CLUL1: variants seen among roughly 807,000 people sequenced by gnomAD.
The protein encoded by CLUL1 is clusterin-like protein 1.
Under a neutral mutation model 49.4 loss-of-function variants are expected in CLUL1, and 43 were observed. The observed-to-expected ratio is 0.87, with a 90% CI of 0.68 to 1.12. The LOEUF (loss-of-function observed/expected upper bound fraction) is 1.12. CLUL1 is among the 50% of genes most tolerant of loss of function. The probability of loss-of-function intolerance (pLI) is 0.00; values close to 1 mark genes in which losing one functional copy is unlikely to be tolerated. For synonymous variants in CLUL1, 192 were observed against 184.9 expected (o/e 1.04, Z -0.31); for missense variants, 486 against 544.4 (o/e 0.89, Z 1.07).
At chr18:646,771 A>C (rs2074520957) in intron 9 of CLUL1, among the ~76,000 whole-genome samples, 1 of 139,414 alleles carries the variant, frequency 7.2e-6, no homozygotes, top group Non-Finnish European at 1.5e-5. Context: ...TTTTTTTGAG[A>C]CAGAGTCTTG....
chr18:611,888 C>G (rs1373482445), intron 2 of CLUL1, among the ~76,000 whole-genome samples: 1 of 152,022 alleles, frequency 6.6e-6, no homozygotes, highest in Non-Finnish European at 1.5e-5. Flanking sequence ...GAGCAAAGGC[C>G]TGTGCCAGCC....
chr18:615,847 T>C (rs961717925), intron 2 of CLUL1, among the ~76,000 whole-genome samples: 1 of 152,224 alleles, frequency 6.6e-6, no homozygotes, highest in Non-Finnish European at 1.5e-5. Context: ...TGGCTGGGCC[T>C]TGAATGTGTG....
intron 8 of CLUL1, among the ~76,000 whole-genome samples, chr18:643,674 A>G (rs1343007746): frequency 6.6e-6 from 1 of 152,206 alleles, no homozygotes; most frequent in Non-Finnish European, 1.5e-5. Flanking sequence ...AAAAACCTCC[A>G]CATAAAATAA....
Position 611,450 on chromosome 18 carries a change from G to A in CLUL1, c.-14+4351G>A, listed in dbSNP as rs576489044. ...ATGGTGGCTCCAGCGTGTCATCCCA[G>A]CTACTCAGGAGGCTGAGGCGGGAGG... On this transcript the variant is annotated intron_variant, in intron 2 of 9. Coordinates refer to ENST00000692774, the MANE Select transcript of CLUL1 (RefSeq NM_001393344.1). Among the ~76,000 whole-genome samples the A allele has an allele frequency of 5.6e-4, 85 of 152,106 alleles. 1 individual carries two copies. The highest frequency in any genetic ancestry group is 4.2e-4 in the South Asian group (2 of 4,818).
chr18:630,272 C>A (rs2073954317), intron 6 of CLUL1, among the ~76,000 whole-genome samples: 1 of 152,024 alleles, frequency 6.6e-6, no homozygotes, highest in African/African-American at 2.4e-5. Context: ...CCATACCTGG[C>A]TAATTTTTGT....
intron 9 of CLUL1, among the ~76,000 whole-genome samples, chr18:646,835 G>A (rs1180692434): frequency 6.7e-6 from 1 of 150,098 alleles, no homozygotes; most frequent in African/African-American, 2.5e-5. Context: ...CTGCAACCTC[G>A]GCCTCCCAGG....
Position 624,852 on chromosome 18 carries a change from T to C in CLUL1, c.256-13T>C, listed in dbSNP as rs1167465108. Reference sequence around the variant, plus strand: ...GAAATGGAAATTGGACTTTTGTTTCTACTTTTAACTAGGAGGCCCTGAAAC... The same window carrying C: ...GAAATGGAAATTGGACTTTTGTTTCCACTTTTAACTAGGAGGCCCTGAAAC... On this transcript the variant is annotated splice_polypyrimidine_tract_variant and intron_variant, in intron 4 of 9. Transcript: ENST00000692774. 6.2e-7 allele frequency: 1 copy of C among 1,612,150 alleles called. No individual in the cohort carries two copies. Among genetic ancestry groups the C allele is most frequent in the South Asian group, 1.1e-5 (1 of 90,866 alleles).
At chr18:649,687 A>C in intron 9 of CLUL1, 4 of 486,136 alleles carry the variant, frequency 8.2e-6, no homozygotes, top group Non-Finnish European at 1.5e-5. Context: ...TCAACAACCC[A>C]GGAAAGCTGT....
chr18:640,246 C>T, intron 7 of CLUL1, among the ~76,000 whole-genome samples: 1 of 151,596 alleles, frequency 6.6e-6, no homozygotes, highest in East Asian at 2.0e-4. Context: ...CCCGCCTCTA[C>T]AAAAAAATTA....
At chr18:601,489 A>G (rs1381125834) in intron 1 of CLUL1, among the ~76,000 whole-genome samples, 1 of 152,146 alleles carries the variant, frequency 6.6e-6, no homozygotes, top group Non-Finnish European at 1.5e-5. Context: ...TCTACTAAAA[A>G]TACAAAAATT....
At chr18:649,077 TTTC>T (rs1178368510) in intron 9 of CLUL1, among the ~76,000 whole-genome samples, 8 of 151,800 alleles carry the variant, frequency 5.3e-5, no homozygotes, top group African/African-American at 1.9e-4. Flanking sequence ...ACTGACTGAA[TTTC>T]TTTTTTGTGC....
At chr18:608,772 G>A (rs375503945) in intron 2 of CLUL1, among the ~76,000 whole-genome samples, 1 of 152,262 alleles carries the variant, frequency 6.6e-6, no homozygotes, top group South Asian at 2.1e-4. Context: ...CAGACAATCT[G>A]TCTCCTTTGG....
chr18:599,856 G>A lies in CLUL1; in HGVS notation c.-136+2727G>A, dbSNP rs916624407. ...CCAGCTACTCAGGAGGCTGAGGCAG[G>A]AGAATGGTGTGAACCCGGGAGGCGG... On this transcript the variant is annotated intron_variant, in intron 1 of 9. Transcript: ENST00000692774. 1.5e-4 allele frequency among the ~76,000 whole-genome samples: 23 copies of A among 151,748 alleles called. 1 individual carries two copies. The East Asian group carries it at 2.9e-3, about 19-fold the overall frequency.
At chr18:630,329 G>A (rs573398660) in intron 6 of CLUL1, among the ~76,000 whole-genome samples, 319 of 152,122 alleles carry the variant, frequency 2.1e-3, no homozygotes, top group African/African-American at 6.5e-3. Flanking sequence ...GGCTGGTCTC[G>A]AACTTCTGAC....
intron 9 of CLUL1, among the ~76,000 whole-genome samples, chr18:645,742 A>T (rs61280520): frequency 0.011 from 1,216 of 112,310 alleles, 48 homozygotes; most frequent in African/African-American, 0.041. Context: ...TGCAGTGAGC[A>T]GAGATCGCGC....
At chr18:619,416 G>A (rs2073418577) in intron 4 of CLUL1, 55 bp downstream of exon 4, 2 of 1,444,736 alleles carry the variant, frequency 1.4e-6, no homozygotes, top group Non-Finnish European at 9.3e-7. Flanking sequence ...CAGAAATACT[G>A]CACTTGTTAG....
chr18:622,691 A>T (rs1338146745), intron 4 of CLUL1, among the ~76,000 whole-genome samples: 2 of 151,986 alleles, frequency 1.3e-5, no homozygotes, highest in African/African-American at 4.8e-5. Context: ...CAGTGAATGG[A>T]AGGAAGCCTG....
At chr18:612,152 A>G (rs2073153581) in intron 2 of CLUL1, among the ~76,000 whole-genome samples, 1 of 152,280 alleles carries the variant, frequency 6.6e-6, no homozygotes, top group Non-Finnish European at 1.5e-5. Flanking sequence ...CCCATAGTCC[A>G]TTCTTCTCAG....
intron 2 of CLUL1, among the ~76,000 whole-genome samples, chr18:608,903 A>T (rs2073056211): frequency 6.6e-6 from 1 of 152,216 alleles, no homozygotes; most frequent in Non-Finnish European, 1.5e-5. Flanking sequence ...ATACCATTAT[A>T]ATAATCTAAA....
Sources: gnomAD v4.1 joint callset for allele counts (sites outside exome capture counted in the v4.1 genomes callset) on GRCh38, gnomAD v4.1.1 for gene constraint, MANE v1.5 for transcripts, NCBI Gene and HGNC (gene_info 2026-07-23, HGNC 2026-07-21) for gene names.